GGT1: variants seen among roughly 807,000 people sequenced by gnomAD.
The protein encoded by GGT1 is gamma-glutamyltransferase 1, also known as glutathione hydrolase 1 proenzyme.
In GGT1, 21 loss-of-function variants were observed where a neutral mutation model predicts 56.0. That is an observed-to-expected ratio of 0.38 (90% CI 0.27 to 0.54). The LOEUF is 0.54. Ranked by LOEUF, GGT1 falls within the 20% of genes least tolerant of loss-of-function variation. GGT1 has a pLI of 0.82. For missense variants in GGT1, 466 were observed against 787.0 expected, an observed-to-expected ratio of 0.59 and a Z score of 4.88; for synonymous variants, 238 against 342.6, an observed-to-expected ratio of 0.69 and a Z score of 3.37.
chr22:24,614,689 T>G, intron 5 of GGT1, 87 bp from the exon 6 acceptor site: 1 of 1,119,696 alleles, frequency 8.9e-7, no homozygotes, highest in Non-Finnish European at 1.3e-6. Context: ...TCTTCCATCC[T>G]CCTTTGGGCA....
chr22:24,594,148 A>C (rs1211631055), upstream of GGT1, among the ~76,000 whole-genome samples: 2 of 152,124 alleles, frequency 1.3e-5, no homozygotes, highest in African/African-American at 4.8e-5. Context: ...CCCACTTCCC[A>C]GGGCTCCCTC....
intron 1 of GGT1, among the ~76,000 whole-genome samples, chr22:24,606,840 AC>A: frequency 6.6e-6 from 1 of 151,724 alleles, no homozygotes; most frequent in Admixed American, 6.6e-5. Flanking sequence ...TGTTATGGGC[AC>A]GGAATAGACC....
intron 1 of GGT1, among the ~76,000 whole-genome samples, chr22:24,606,120 A>G (rs1013441096): frequency 7.8e-6 from 1 of 128,802 alleles, no homozygotes; most frequent in Non-Finnish European, 1.6e-5. Flanking sequence ...ATATCATATA[A>G]ATATATTATA....
upstream of GGT1, chr22:24,599,242 G>A (rs1209328371): frequency 6.6e-6 from 1 of 152,210 alleles, no homozygotes; most frequent in Admixed American, 6.6e-5. Context: ...GAGGGCTTCA[G>A]GAGGAGGTGG....
upstream of GGT1, chr22:24,593,013 G>C: frequency 3.7e-6 from 4 of 1,091,986 alleles, no homozygotes; most frequent in African/African-American, 1.7e-5. Context: ...CCTCGGGCCC[G>C]GCCCGCCGGC....
At chr22:24,589,872 G>T (rs61737674), upstream of GGT1, 16,048 of 1,613,868 alleles carry the variant, frequency 9.9e-3, 1,371 homozygotes, top group African/African-American at 0.19. Context: ...GGTCATGGGA[G>T]ATGGGGTCGA....
chr22:24,590,821 A>G (rs144607085), upstream of GGT1, among the ~76,000 whole-genome samples: 3,575 of 152,086 alleles, frequency 0.024, 56 homozygotes, highest in Non-Finnish European at 0.036. Context: ...GGGCACCTCC[A>G]TGACCATCTT....
In GGT1 at chr22:24,596,122, C is replaced by T. The variant is rs75174851; in HGVS notation, c.-324+1236C>T. 1.4e-3 allele frequency among the ~76,000 whole-genome samples: 209 copies of T among 152,262 alleles called. 1 individual carries two copies. Among genetic ancestry groups the T allele is most frequent in the African/African-American group, 4.6e-3 (190 of 41,546 alleles). On this transcript the variant is annotated intron_variant, in intron 1 of 6. Coordinates refer to the GGT1 transcript ENST00000411974. The stretch of plus-strand genomic sequence containing the variant: ...GGCTGTAGTAGGCAGCAGAGCTTGG[C>T]GGGGTGAGGCGAGATCACAGGTATA...
chr22:24,617,939 G>T (rs1030279760), intron 7 of GGT1, among the ~76,000 whole-genome samples: 1 of 152,068 alleles, frequency 6.6e-6, no homozygotes, highest in African/African-American at 2.4e-5. Flanking sequence ...TGCAGGGGCA[G>T]CTCTCAGGGA....
chr22:24,598,486 C>CA (rs2045731654), upstream of GGT1, among the ~76,000 whole-genome samples: 1 of 144,084 alleles, frequency 6.9e-6, no homozygotes, highest in Non-Finnish European at 1.5e-5. Flanking sequence ...TACAAATAAA[C>CA]AGTCAGATGA....
chr22:24,609,538 G>A (rs1403973802), intron 2 of GGT1: 1 of 163,854 alleles, frequency 6.1e-6, no homozygotes, highest in African/African-American at 2.4e-5. Flanking sequence ...GAGGGCACAG[G>A]GACTCCATTC....
chr22:24,588,145 T>C, the GGT1 span: 2 of 1,195,948 alleles, frequency 1.7e-6, no homozygotes, highest in African/African-American at 3.0e-5. Flanking sequence ...TTGGTGAGAG[T>C]GCAGGTGTCA....
chr22:24,608,753 G>A (rs1472805097), intron 2 of GGT1, among the ~76,000 whole-genome samples: 1 of 152,206 alleles, frequency 6.6e-6, no homozygotes, highest in East Asian at 1.9e-4. Context: ...CACCTCCTGG[G>A]TTCAAGCAAT....
At chr22:24,624,742 A>T in intron 11 of GGT1, 2 of 933,330 alleles carry the variant, frequency 2.1e-6, no homozygotes, top group Non-Finnish European at 2.6e-6. Context: ...ATCACGGCTT[A>T]TTCCCGAAAG....
At chr22:24,590,674 G>A (rs2147167788), upstream of GGT1, among the ~76,000 whole-genome samples, 1 of 152,222 alleles carries the variant, frequency 6.6e-6, no homozygotes, top group East Asian at 1.9e-4. Context: ...CCTATCCCTT[G>A]GTTTTCCTAA....
chr22:24,619,761 TG>T (rs1334051299), intron 7 of GGT1, among the ~76,000 whole-genome samples: 3 of 151,444 alleles, frequency 2.0e-5, no homozygotes, highest in Non-Finnish European at 4.4e-5. Context: ...GATCTGCTCT[TG>T]TTTTGGCACA....
intron 9 of GGT1, among the ~76,000 whole-genome samples, chr22:24,622,407 CA>C (rs1249629730): frequency 6.6e-6 from 1 of 151,658 alleles, no homozygotes; most frequent in African/African-American, 2.4e-5. Flanking sequence ...ACTAAAAATA[CA>C]AAAAAATTAG....
chr22:24,614,668 G>A (rs555295709), intron 5 of GGT1, 108 bp from the exon 6 acceptor site: 22 of 893,640 alleles, frequency 2.5e-5, no homozygotes, highest in African/African-American at 6.9e-5. Context: ...CCCAAAACTC[G>A]AATGGACTTC....
At position 24,611,149 on chromosome 22, in the gene GGT1, G is replaced by C. The variant is rs770234322; in HGVS notation, c.68G>C (p.Cys23Ser). The C allele has an allele frequency of 1.6e-5, 26 of 1,600,488 alleles. 1 individual carries two copies. In the South Asian group the frequency reaches 2.8e-4, roughly 17 times the overall value. Residue 23 changes from cysteine to serine, a missense_variant, in exon 5 of 16, where the codon TGT becomes TCT. Coordinates refer to ENST00000400382, the MANE Select transcript of GGT1 (RefSeq NM_001288833.2). ...CTGGTGCTGGTCATTGTCGGCCTCT[G>C]TCTCTGGCTGCCCTCAGCCTCCAAG... ...VVLVLVIVGL[C>S]LWLPSASKEP...
Sources: allele counts gnomAD v4.1 joint callset (sites outside exome capture counted in the v4.1 genomes callset), GRCh38; gene constraint gnomAD v4.1.1; transcripts MANE v1.5; gene names NCBI Gene and HGNC (gene_info 2026-07-23, HGNC 2026-07-21).